SDK1: variants seen among roughly 807,000 people sequenced by gnomAD.
The protein encoded by SDK1 is sidekick cell adhesion molecule 1, also known as protein sidekick-1.
Under a neutral mutation model 245.5 loss-of-function variants are expected in SDK1, and 157 were observed. That is an observed-to-expected ratio of 0.64 (90% CI 0.56 to 0.73). The LOEUF is 0.73. Ranked by LOEUF, SDK1 falls within the 30% of genes least tolerant of loss-of-function variation. The pLI is 0.00. For missense variants in SDK1, 3,583 were observed against 3,002.3 expected (o/e 1.19, Z -4.52); for synonymous variants, 1,647 against 1,278.5 (o/e 1.29, Z -6.15).
intron 4 of SDK1, among the ~76,000 whole-genome samples, chr7:3,693,773 G>A (rs576158055): frequency 1.2e-4 from 18 of 152,100 alleles, no homozygotes; most frequent in Admixed American, 5.2e-4. Context: ...CTAGATTCTG[G>A]CACTGGCCTA....
At chr7:3,543,354 G>A (rs1035689035) in intron 1 of SDK1, among the ~76,000 whole-genome samples, 10 of 152,260 alleles carry the variant, frequency 6.6e-5, no homozygotes, top group Non-Finnish European at 1.2e-4. Context: ...TGTTGCAAGT[G>A]TGAGGATGAA....
At chr7:3,621,879 T>C (rs961150790) in intron 2 of SDK1, among the ~76,000 whole-genome samples, 9 of 152,258 alleles carry the variant, frequency 5.9e-5, no homozygotes, top group African/African-American at 2.2e-4. Context: ...CAACTTACGA[T>C]GGTTCAACTT....
At chr7:3,392,940 C>A (rs1238833244) in intron 1 of SDK1, among the ~76,000 whole-genome samples, 1 of 131,070 alleles carries the variant, frequency 7.6e-6, no homozygotes, top group African/African-American at 2.9e-5. Flanking sequence ...TTACAGGTAT[C>A]TGTTTGAGTC....
At chr7:3,966,183 T>G (rs1479994888) in intron 9 of SDK1, among the ~76,000 whole-genome samples, 1 of 151,976 alleles carries the variant, frequency 6.6e-6, no homozygotes, top group African/African-American at 2.4e-5. Flanking sequence ...CTCGGGTGGT[T>G]GCCTGCGAGG....
chr7:3,656,789 G>A (rs7779387), intron 4 of SDK1, among the ~76,000 whole-genome samples: 3,453 of 149,368 alleles, frequency 0.023, 142 homozygotes, highest in African/African-American at 0.08. Flanking sequence ...CGCCCAGGCC[G>A]GACTGCGGAC....
At chr7:4,087,672 A>G (rs944440110) in intron 22 of SDK1, among the ~76,000 whole-genome samples, 1 of 152,194 alleles carries the variant, frequency 6.6e-6, no homozygotes, top group Non-Finnish European at 1.5e-5. Context: ...CCTGCTCTCA[A>G]AAAGGCAGGA....
chr7:3,374,449 G>C lies in SDK1; in HGVS notation c.298+72565G>C, dbSNP rs897652511. Reference sequence around the variant, plus strand: ...TTGGAGGTTGGGTTGCCTTACTGTAGTGTCATAGCCAGTCACAGACCTGGC... The same window carrying C: ...TTGGAGGTTGGGTTGCCTTACTGTACTGTCATAGCCAGTCACAGACCTGGC... On this transcript the variant is annotated intron_variant, in intron 1 of 44. Transcript: ENST00000404826. Among the ~76,000 whole-genome samples, 4 of 152,106 alleles carry C rather than the reference G, an allele frequency of 2.6e-5. No homozygotes were observed. In the East Asian group the frequency reaches 7.7e-4, roughly 29 times the overall value.
chr7:3,541,459 C>T (rs1351432338), intron 1 of SDK1, among the ~76,000 whole-genome samples: 1 of 152,202 alleles, frequency 6.6e-6, no homozygotes, highest in Admixed American at 6.5e-5. Context: ...ATTTTCCATC[C>T]ATTCCCAACC....
chr7:3,791,945 G>T (rs1255035509), intron 4 of SDK1, among the ~76,000 whole-genome samples: 2 of 151,906 alleles, frequency 1.3e-5, no homozygotes, highest in African/African-American at 4.8e-5. Flanking sequence ...GCAACACAGG[G>T]AGAGTTTGTC....
chr7:4,005,554 G>T (rs368550589), intron 14 of SDK1, among the ~76,000 whole-genome samples: 49 of 152,112 alleles, frequency 3.2e-4, no homozygotes, highest in African/African-American at 1.1e-3. Flanking sequence ...GCCGCCACCT[G>T]TGAAATTCAG....
chr7:3,480,501 C>T (rs1249632303), intron 1 of SDK1, among the ~76,000 whole-genome samples: 3 of 152,152 alleles, frequency 2.0e-5, no homozygotes, highest in Admixed American at 1.3e-4. Context: ...GTAGGAACTA[C>T]CGGAAGAACT....
chr7:4,035,728 CAT>C (rs1583897788), intron 17 of SDK1, among the ~76,000 whole-genome samples: 1 of 152,156 alleles, frequency 6.6e-6, no homozygotes, highest in Non-Finnish European at 1.5e-5. Context: ...TGGATAAACA[CAT>C]GATTGCAGGT....
rs527281561 is a variant in SDK1 at position 3,728,104 on chromosome 7, C to T, written c.713+85999C>T. On this transcript the variant is annotated intron_variant, in intron 4 of 44. Coordinates refer to ENST00000404826, the MANE Select transcript of SDK1 (RefSeq NM_152744.4). The stretch of plus-strand genomic sequence containing the variant: ...CTGATGATGAGTTTGAGGAGGAAGA[C>T]AGCAGAAGTGAAGTCCCACTCTCAT... 5.3e-5 allele frequency among the ~76,000 whole-genome samples: 8 copies of T among 152,336 alleles called. No individual in the cohort carries two copies. In the South Asian group the frequency reaches 1.2e-3, roughly 24 times the overall value.
At chr7:3,312,759 G>C (rs1256116826) in intron 1 of SDK1, among the ~76,000 whole-genome samples, 1 of 152,130 alleles carries the variant, frequency 6.6e-6, no homozygotes, top group Non-Finnish European at 1.5e-5. Flanking sequence ...GAATGAGGAA[G>C]TCTCATATTA....
At chr7:3,512,596 A>G (rs1472946364) in intron 1 of SDK1, among the ~76,000 whole-genome samples, 2 of 152,128 alleles carry the variant, frequency 1.3e-5, no homozygotes, top group South Asian at 2.1e-4. Context: ...GAGAATTCCC[A>G]TTGCTCCGCA....
intron 1 of SDK1, among the ~76,000 whole-genome samples, chr7:3,535,933 C>A (rs1778872047): frequency 6.6e-6 from 1 of 152,028 alleles, no homozygotes. Context: ...TATTCCTGAA[C>A]ATATTTATTA....
In SDK1 at chr7:3,911,181, C is replaced by T. The variant is rs77507185; in HGVS notation, c.848-39742C>T. Among the ~76,000 whole-genome samples, 4 of 152,312 alleles carry T rather than the reference C, an allele frequency of 2.6e-5. No individual in the cohort carries two copies. The East Asian group carries it at 5.8e-4, about 22-fold the overall frequency. On this transcript the variant is annotated intron_variant, in intron 5 of 44. Coordinates refer to ENST00000404826, the MANE Select transcript of SDK1 (RefSeq NM_152744.4). The stretch of plus-strand genomic sequence containing the variant: ...AGATAAACCTGAAGGCACATGTGCT[C>T]ACATGGCTGCTGTGGCTGTGGGATT...
rs76796831 is a variant in SDK1 at position 3,776,154 on chromosome 7, A to G, written c.714-45296A>G. ...CAGTAACTATCTGTTGAATGAATAC[A>G]TGACTGAGTGTAAGTTAATGAACGA... is the stretch of plus-strand genomic sequence containing the variant. On this transcript the variant is annotated intron_variant, in intron 4 of 44. Coordinates refer to ENST00000404826, the MANE Select transcript of SDK1 (RefSeq NM_152744.4). Among the ~76,000 whole-genome samples the G allele has an allele frequency of 2.1e-3, 315 of 152,376 alleles. 2 individuals carry two copies. Among genetic ancestry groups the G allele is most frequent in the African/African-American group, 7.3e-3 (303 of 41,594 alleles).
intron 22 of SDK1, among the ~76,000 whole-genome samples, chr7:4,097,060 C>A (rs1782195778): frequency 6.6e-6 from 1 of 152,238 alleles, no homozygotes; most frequent in Non-Finnish European, 1.5e-5. Flanking sequence ...TAGAAACTGA[C>A]TTTAGGAACA....
Sources: gnomAD v4.1 joint callset for allele counts (sites outside exome capture counted in the v4.1 genomes callset) on GRCh38, gnomAD v4.1.1 for gene constraint, MANE v1.5 for transcripts, NCBI Gene and HGNC (gene_info 2026-07-23, HGNC 2026-07-21) for gene names.